Variants in PLD1 observed in about 807,000 individuals in gnomAD.
PLD1 encodes choline phosphatase 1.
A neutral mutation model predicts 137.1 loss-of-function variants in PLD1; 112 were observed. The observed-to-expected ratio is 0.82, with a 90% CI of 0.70 to 0.96. The LOEUF (loss-of-function observed/expected upper bound fraction) is 0.96. PLD1 is among the 40% of genes least tolerant of loss of function. PLD1 has a pLI of 0.00. For missense variants in PLD1, 1,321 were observed against 1,342.0 expected, an observed-to-expected ratio of 0.98 and a Z score of 0.24; for synonymous variants, 431 against 454.7, an observed-to-expected ratio of 0.95 and a Z score of 0.66.
chr3:171,642,884 A>G lies in PLD1; in HGVS notation c.2549T>C (p.Met850Thr), dbSNP rs368695590. 7 of 1,578,338 alleles carry G rather than the reference A, an allele frequency of 4.4e-6. No homozygotes were observed. In the African/African-American group the frequency reaches 5.4e-5, roughly 12 times the overall value. Residue 850 changes from methionine (M) to threonine (T), a missense_variant, in exon 23 of 27, where the codon ATG (methionine) becomes ACG (threonine). Transcript: ENST00000351298. ...QAIMHFNYRTMCRGENSILGQ... is the reference protein window; with the variant it reads ...QAIMHFNYRTTCRGENSILGQ... Reference sequence around the variant, plus strand: ...AAGGATGGAATTTTCTCCTCTGCACATGGTTCTGAAAATATGTAAAGGAGA... The same window carrying G: ...AAGGATGGAATTTTCTCCTCTGCACGTGGTTCTGAAAATATGTAAAGGAGA...
At chr3:171,720,805 T>C (rs976554463) in intron 8 of PLD1, among the ~76,000 whole-genome samples, 3 of 152,214 alleles carry the variant, frequency 2.0e-5, no homozygotes, top group African/African-American at 7.2e-5. Context: ...AGTTGACTTA[T>C]GATTTAATCC....
intron 6 of PLD1, among the ~76,000 whole-genome samples, chr3:171,732,333 A>G (rs1476821257): frequency 6.6e-6 from 1 of 150,976 alleles, no homozygotes; most frequent in Non-Finnish European, 1.5e-5. Flanking sequence ...TCCTGAGAAA[A>G]CCCTTCTCCA....
chr3:171,624,839 T>C (rs1733947297), intron 23 of PLD1, among the ~76,000 whole-genome samples: 1 of 152,044 alleles, frequency 6.6e-6, no homozygotes, highest in South Asian at 2.1e-4. Context: ...TAAGAAAATA[T>C]ACAACTATCT....
chr3:171,806,137 A>G (rs1723837634), intron 1 of PLD1, among the ~76,000 whole-genome samples: 1 of 152,258 alleles, frequency 6.6e-6, no homozygotes, highest in African/African-American at 2.4e-5. Context: ...AGATGAGTGC[A>G]AGGCACAAAG....
chr3:171,702,352 G>A (rs1716319716), intron 11 of PLD1, among the ~76,000 whole-genome samples: 1 of 151,844 alleles, frequency 6.6e-6, no homozygotes, highest in African/African-American at 2.4e-5. Flanking sequence ...GCCAGACATG[G>A]TGGCTCATGT....
intron 1 of PLD1, chr3:171,789,795 T>G (rs1386158383): frequency 6.6e-6 from 1 of 152,356 alleles, no homozygotes; most frequent in South Asian, 2.1e-4. Context: ...CATCACTCAC[T>G]TGCTGCCAGA....
chr3:171,703,260 C>T (rs1716397053), intron 11 of PLD1, among the ~76,000 whole-genome samples: 1 of 152,156 alleles, frequency 6.6e-6, no homozygotes, highest in Non-Finnish European at 1.5e-5. Flanking sequence ...AACAAAACTG[C>T]ATGCTTTCCT....
chr3:171,600,746 C>T lies in PLD1; in HGVS notation c.*2332G>A, dbSNP rs1175109203. The T allele has an allele frequency of 2.6e-5, 4 of 151,490 alleles. No individual in the cohort carries two copies. The highest frequency in any genetic ancestry group is 9.7e-5 in the African/African-American group (4 of 41,210). The allele number at this position is 151,490 out of a possible 1,614,324, so 9.4% of individuals were successfully genotyped here. A position where few individuals can be genotyped will look rare whatever the true frequency, so the allele number is the denominator to read the frequency against. On this transcript the variant is annotated 3_prime_UTR_variant, in exon 27 of 27. Coordinates refer to ENST00000351298, the MANE Select transcript of PLD1 (RefSeq NM_002662.5). ...ATCTTATCACCCCTTTGCAGATGAG[C>T]ATCTTGTCTTTGGGAAGATGCAATA...
At chr3:171,741,004 A>C (rs1355938855) in intron 1 of PLD1, among the ~76,000 whole-genome samples, 1 of 152,206 alleles carries the variant, frequency 6.6e-6, no homozygotes, top group Non-Finnish European at 1.5e-5. Flanking sequence ...GAATGTCTAT[A>C]AATCTAAATT....
intron 23 of PLD1, among the ~76,000 whole-genome samples, chr3:171,633,040 G>A (rs556043864): frequency 8.5e-4 from 130 of 152,296 alleles, no homozygotes; most frequent in African/African-American, 3.0e-3. Flanking sequence ...TGATCTAAAA[G>A]AAAGATAATG....
chr3:171,706,032 T>C (rs570604073), intron 11 of PLD1, among the ~76,000 whole-genome samples: 1 of 152,284 alleles, frequency 6.6e-6, no homozygotes, highest in African/African-American at 2.4e-5. Flanking sequence ...TAACCATTTT[T>C]GAAAGTCAGT....
At chr3:171,617,211 A>G (rs1224843703) in intron 24 of PLD1, among the ~76,000 whole-genome samples, 14 of 152,200 alleles carry the variant, frequency 9.2e-5, no homozygotes, top group Admixed American at 9.2e-4. Flanking sequence ...GTTTTGATCC[A>G]TTTAAAAGCA....
At chr3:171,779,952 T>C (rs967167067) in intron 1 of PLD1, among the ~76,000 whole-genome samples, 1 of 151,818 alleles carries the variant, frequency 6.6e-6, no homozygotes, top group Non-Finnish European at 1.5e-5. Context: ...GATTCAGGAC[T>C]GGGGTTAGGA....
intron 1 of PLD1, among the ~76,000 whole-genome samples, chr3:171,801,877 G>C (rs916936311): frequency 1.3e-5 from 2 of 152,146 alleles, no homozygotes; most frequent in African/African-American, 4.8e-5. Context: ...ATGTTTAATC[G>C]ATCCATTCTA....
At chr3:171,683,320 C>T (rs921844784) in intron 16 of PLD1, among the ~76,000 whole-genome samples, 1 of 152,190 alleles carries the variant, frequency 6.6e-6, no homozygotes, top group African/African-American at 2.4e-5. Context: ...GCCTACCCTT[C>T]GCTCAAGACC....
At chr3:171,622,310 T>G (rs1007164296) in intron 23 of PLD1, among the ~76,000 whole-genome samples, 10 of 152,228 alleles carry the variant, frequency 6.6e-5, no homozygotes, top group African/African-American at 2.4e-4. Context: ...TTCACAGAAT[T>G]CTGATTCAGC....
In PLD1 at chr3:171,790,832, T is replaced by C. The variant is rs148410700; in HGVS notation, c.-32+19567A>G. ...CCCAACGGACTACTTCTGGACTGTT[T>C]ATACATGAGAAATAAAGCCACTACC... On this transcript the variant is annotated intron_variant, in intron 1 of 26. Transcript: ENST00000351298. 4.3e-4 allele frequency among the ~76,000 whole-genome samples: 65 copies of C among 152,336 alleles called. 1 individual carries two copies. Among genetic ancestry groups the C allele is most frequent in the African/African-American group, 1.3e-3 (55 of 41,572 alleles).
At chr3:171,781,139 T>C (rs1456178527) in intron 1 of PLD1, among the ~76,000 whole-genome samples, 1 of 151,826 alleles carries the variant, frequency 6.6e-6, no homozygotes, top group African/African-American at 2.4e-5. Context: ...TACAACAGGA[T>C]AGAGAGCTCA....
At chr3:171,640,885 T>C (rs1004179822) in intron 23 of PLD1, among the ~76,000 whole-genome samples, 1 of 152,236 alleles carries the variant, frequency 6.6e-6, no homozygotes, top group African/African-American at 2.4e-5. Flanking sequence ...CTCACTCAAC[T>C]GTTACTGCCT....
Sources: allele counts gnomAD v4.1 joint callset (sites outside exome capture counted in the v4.1 genomes callset), GRCh38; gene constraint gnomAD v4.1.1; transcripts MANE v1.5; gene names NCBI Gene and HGNC (gene_info 2026-07-23, HGNC 2026-07-21).